The following DTX2 variants were observed in gnomAD, a reference collection of about 807,000 sequenced individuals.
DTX2 encodes the protein probable E3 ubiquitin-protein ligase DTX2.
Under a neutral mutation model 55.3 loss-of-function variants are expected in DTX2, and 29 were observed. The ratio of observed to expected loss-of-function variants is 0.52; its 90% CI spans 0.39 to 0.71. The LOEUF (loss-of-function observed/expected upper bound fraction) is 0.71, where lower values mean the gene tolerates loss of function less well. Ranked by LOEUF, DTX2 falls within the 30% of genes least tolerant of loss-of-function variation. The pLI is 0.00. For synonymous variants in DTX2, 276 were observed against 340.4 expected, an observed-to-expected ratio of 0.81 and a Z score of 2.08; for missense variants, 537 against 822.5, an observed-to-expected ratio of 0.65 and a Z score of 4.25.
rs1290653731 is a variant in DTX2, at chr7:76,480,456, C to T, written c.-54C>T. Reference sequence around the variant, plus strand: ...GGCGCTGGGCAATGACCCCGGGACTCCAGGCCAGAGGGGTCTGAAGCTGTT... The same window carrying T: ...GGCGCTGGGCAATGACCCCGGGACTTCAGGCCAGAGGGGTCTGAAGCTGTT... On this transcript the variant is annotated 5_prime_UTR_variant, in exon 3 of 11. Transcript: ENST00000430490. The T allele has an allele frequency of 6.6e-7, 1 of 1,508,508 alleles. No individual in the cohort carries two copies. The highest frequency in any genetic ancestry group is 8.9e-7 in the Non-Finnish European group (1 of 1,129,924). 93.4% of individuals were successfully genotyped at this position (1,508,508 alleles called of 1,614,324 possible).
At chr7:76,502,755 T>TC in intron 8 of DTX2, 1 of 468,198 alleles carries the variant, frequency 2.1e-6, no homozygotes, top group East Asian at 3.2e-5. Context: ...GGGCACCGCC[T>TC]CCCCCTCGGC....
At chr7:76,491,506 A>G (rs1181054412) in intron 4 of DTX2, among the ~76,000 whole-genome samples, 3 of 85,190 alleles carry the variant, frequency 3.5e-5, no homozygotes, top group African/African-American at 1.2e-4. Flanking sequence ...GATGGTATCA[A>G]TCTCCTGACC....
In DTX2 at chr7:76,482,676, C is replaced by T. The variant is rs746249602; in HGVS notation, c.437C>T (p.Ala146Val). Residue 146 changes from alanine (A) to valine (V), a missense_variant, in exon 4 of 11, where the codon GCC (alanine) becomes GTC (valine). Physicochemically the swap from Ala to Val is moderately conservative, Grantham distance 64. Coordinates refer to ENST00000430490, the MANE Select transcript of DTX2 (RefSeq NM_001102594.3). Reference protein sequence around the residue: ...VARGNQLVDLAPLGYNYTVNY... With the variant: ...VARGNQLVDLVPLGYNYTVNY... ...AGGGGCAACCAGCTCGTGGACTTGG[C>T]CCCCCTGGGGTACAACTACACTGTC... The T allele has an allele frequency of 3.1e-6, 5 of 1,613,712 alleles. No homozygotes were observed. Among genetic ancestry groups the T allele is most frequent in the Admixed American group, 1.7e-5 (1 of 59,978 alleles).
rs369577858 is a variant in DTX2 at position 76,480,470 on chromosome 7, T to A, written c.-40T>A. ...ACCCCGGGACTCCAGGCCAGAGGGG[T>A]CTGAAGCTGTTTGGGAAAGCAGCGG... On this transcript the variant is annotated 5_prime_UTR_variant, in exon 3 of 11. Coordinates refer to ENST00000430490, the MANE Select transcript of DTX2 (RefSeq NM_001102594.3). 233 of 1,531,028 alleles carry A rather than the reference T, an allele frequency of 1.5e-4. No homozygotes were observed. In the African/African-American group the frequency reaches 3.0e-3, roughly 20 times the overall value. The allele number at this position is 1,531,028 out of a possible 1,614,324, so 94.8% of individuals were successfully genotyped here.
rs1330992311 is a variant in DTX2, at chr7:76,505,686, G to A, written c.*85G>A. On this transcript the variant is annotated 3_prime_UTR_variant, in exon 11 of 11. Transcript: ENST00000430490. This position sits in a 1 kb window ranked among gnomAD's most constrained non-coding sequence, Gnocchi z 4.4. ...TGGCCAGGCAGGAAGTGCCCAGCCC[G>A]AGAGGCTGGGAGGTTTGTTGAGGGT... 23 of 1,381,410 alleles carry A rather than the reference G, an allele frequency of 1.7e-5. No individual in the cohort carries two copies. The highest frequency in any genetic ancestry group is 7.5e-5 in the East Asian group (3 of 40,006). 85.6% of individuals were successfully genotyped at this position (1,381,410 alleles called of 1,614,324 possible).
intron 7 of DTX2, among the ~76,000 whole-genome samples, chr7:76,501,051 C>T (rs1354984123): frequency 1.3e-5 from 2 of 152,042 alleles, no homozygotes; most frequent in African/African-American, 2.4e-5. Flanking sequence ...ACTCCTGTTG[C>T]GCTTCCATAG....
At chr7:76,475,501 A>G (rs1584151372) in intron 2 of DTX2, among the ~76,000 whole-genome samples, 1 of 145,692 alleles carries the variant, frequency 6.9e-6, no homozygotes, top group East Asian at 2.1e-4. Context: ...AACCTGGCCA[A>G]TGTGGCAAAA....
intron 5 of DTX2, among the ~76,000 whole-genome samples, chr7:76,495,518 GTGTT>G (rs1440575358): frequency 6.6e-6 from 1 of 151,890 alleles, no homozygotes; most frequent in African/African-American, 2.4e-5. Context: ...TGAAACTTGT[GTGTT>G]TGTGACTTGA....
intron 2 of DTX2, among the ~76,000 whole-genome samples, chr7:76,471,689 C>G (rs1205824959): frequency 6.6e-6 from 1 of 150,826 alleles, no homozygotes; most frequent in Admixed American, 6.6e-5. Flanking sequence ...AGCCACTGCA[C>G]CAGGCCTGCT....
intron 2 of DTX2, among the ~76,000 whole-genome samples, chr7:76,479,964 G>C (rs1315837353): frequency 1.3e-5 from 2 of 149,840 alleles, no homozygotes; most frequent in African/African-American, 5.0e-5. Context: ...ACAGCAAAGA[G>C]ACAGGATCAG....
Position 76,480,500 on chromosome 7 carries a change from C to T in DTX2, c.-10C>T, listed in dbSNP as rs1281370949. 1 of 1,573,766 alleles carries T rather than the reference C, an allele frequency of 6.4e-7. No individual in the cohort carries two copies. Among genetic ancestry groups the T allele is most frequent in the Non-Finnish European group, 8.6e-7 (1 of 1,159,378 alleles). ...AGCTGTTTGGGAAAGCAGCGGGACT[C>T]CTTGGGAAGATGGCCATGGCCCCAA... is the stretch of plus-strand genomic sequence containing the variant. On this transcript the variant is annotated 5_prime_UTR_variant, in exon 3 of 11. Coordinates refer to ENST00000430490, the MANE Select transcript of DTX2 (RefSeq NM_001102594.3).
At chr7:76,489,813 A>G (rs1810234112) in intron 4 of DTX2, among the ~76,000 whole-genome samples, 1 of 131,530 alleles carries the variant, frequency 7.6e-6, no homozygotes, top group African/African-American at 2.7e-5. Context: ...ACAGAACGAG[A>G]CTCTGTCTCA....
At position 76,505,765 on chromosome 7, in the gene DTX2, C is replaced by A; in HGVS notation, c.*164C>A. ...CTCCCCCTGCCTGCCTCTCTCTCCT[C>A]CTCCCCTCTGGGAATTGGGCAGCCC... On this transcript the variant is annotated 3_prime_UTR_variant, in exon 11 of 11. Transcript: ENST00000430490. This position sits in a 1 kb window ranked among gnomAD's most constrained non-coding sequence, Gnocchi z 4.4. 1.3e-6 allele frequency: 1 copy of A among 741,256 alleles called. No individual in the cohort carries two copies. The highest frequency in any genetic ancestry group is 2.2e-6 in the Non-Finnish European group (1 of 453,582). The allele number at this position is 741,256 out of a possible 1,614,324, so 45.9% of individuals were successfully genotyped here.
Position 76,505,292 on chromosome 7 carries a change from TG to T in DTX2, c.1642-80del. The T allele has an allele frequency of 8.4e-7, 1 of 1,194,718 alleles. No individual in the cohort carries two copies. Among genetic ancestry groups the T allele is most frequent in the Non-Finnish European group, 1.2e-6 (1 of 843,044 alleles). 74.0% of individuals were successfully genotyped at this position (1,194,718 alleles called of 1,614,324 possible). A position where few individuals can be genotyped will look rare whatever the true frequency, so the allele number is the denominator to read the frequency against. ...GGGAGGGGCTGGGATGGGAAGAACA[TG>T]GTGCCAACCCGTGCCTGCTCACTGA... On this transcript the variant is annotated intron_variant, in intron 10 of 10. Transcript: ENST00000430490. This position sits in a 1 kb window ranked among gnomAD's most constrained non-coding sequence, Gnocchi z 4.4.
At chr7:76,488,476 A>G (rs1439359558) in intron 4 of DTX2, among the ~76,000 whole-genome samples, 1 of 75,746 alleles carries the variant, frequency 1.3e-5, no homozygotes, top group Non-Finnish European at 2.6e-5. Context: ...GCAGTGCCAA[A>G]TTTCAGCTTT....
At chr7:76,498,959 G>A (rs1468865952) in intron 6 of DTX2, among the ~76,000 whole-genome samples, 3 of 61,064 alleles carry the variant, frequency 4.9e-5, no homozygotes, top group Non-Finnish European at 9.1e-5. Context: ...GGTGTGTGGG[G>A]TGTATGGAGG....
rs1809070411 is a variant in DTX2 at position 76,480,596 on chromosome 7, C to T, written c.87C>T (p.Gly29=). ...TGTGGGAATGGCAGGACGGGCTGGGCACCTGGCACCCCTACAGTGCCACCG... is the reference window on the plus strand; with the variant it reads ...TGTGGGAATGGCAGGACGGGCTGGGTACCTGGCACCCCTACAGTGCCACCG... The part of the protein sequence containing the change: ...VAVWEWQDGL[G]TWHPYSATVC... Residue 29 remains glycine (G), a synonymous_variant, in exon 3 of 11, where the codon GGC becomes GGT. Transcript: ENST00000430490. 2 of 1,613,058 alleles carry T rather than the reference C, an allele frequency of 1.2e-6. No homozygotes were observed. The highest frequency in any genetic ancestry group is 8.5e-7 in the Non-Finnish European group (1 of 1,179,962).
Position 76,476,748 on chromosome 7 carries a change from T to A in DTX2, c.-89-3673T>A, listed in dbSNP as rs114817577. On this transcript the variant is annotated intron_variant, in intron 2 of 10. Coordinates refer to ENST00000430490, the MANE Select transcript of DTX2 (RefSeq NM_001102594.3). Reference sequence around the variant, plus strand: ...TGGAATGTTCTGGAACTTTCTAGAATTAGATGTAGGTATCAAAGGTGGCGG... The same window carrying A: ...TGGAATGTTCTGGAACTTTCTAGAAATAGATGTAGGTATCAAAGGTGGCGG... Among the ~76,000 whole-genome samples the A allele has an allele frequency of 4.0e-3, 603 of 151,850 alleles. 3 individuals carry two copies. Among genetic ancestry groups the A allele is most frequent in the African/African-American group, 0.014 (570 of 41,346 alleles).
At chr7:76,481,543 C>G (rs1809215308) in intron 3 of DTX2, among the ~76,000 whole-genome samples, 1 of 152,110 alleles carries the variant, frequency 6.6e-6, no homozygotes, top group Non-Finnish European at 1.5e-5. Context: ...CCTCTCGGAG[C>G]CATCCCTTAC....
Sources: allele counts gnomAD v4.1 joint callset (sites outside exome capture counted in the v4.1 genomes callset), GRCh38; gene constraint gnomAD v4.1.1; non-coding constraint Gnocchi (gnomAD v3.1); transcripts MANE v1.5; gene names NCBI Gene and HGNC (gene_info 2026-07-23, HGNC 2026-07-21).